ODF2: variants seen among roughly 807,000 people sequenced by gnomAD.
ODF2 encodes outer dense fiber of sperm tails 2.
ODF2 carries 47 observed loss-of-function variants against 110.2 expected under a neutral mutation model. The observed-to-expected ratio is 0.43, with a 90% CI of 0.34 to 0.54. The LOEUF (loss-of-function observed/expected upper bound fraction) is 0.54, where lower values mean the gene tolerates loss of function less well. Ranked by LOEUF, ODF2 falls within the 20% of genes least tolerant of loss-of-function variation. The pLI, the probability that ODF2 is intolerant of heterozygous loss-of-function variation, is 0.03. For synonymous variants in ODF2, 352 were observed against 397.7 expected (o/e 0.89, Z 1.37); for missense variants, 812 against 1,054.5 (o/e 0.77, Z 3.19).
Position 128,479,869 on chromosome 9 carries a change from G to T in ODF2, c.844-1711G>T, listed in dbSNP as rs370884425. On this transcript the variant is annotated intron_variant, in intron 8 of 20. Coordinates refer to ENST00000604420, the Ensembl canonical transcript of ODF2. ...GGGAATGGCTGCTTAATGGTACAGG[G>T]TTTCTTTTTTGGGTGATGAAAATGT... 6.6e-5 allele frequency among the ~76,000 whole-genome samples: 10 copies of T among 152,296 alleles called. No homozygotes were observed. The East Asian group carries it at 1.2e-3, about 18-fold the overall frequency.
chr9:128,477,045 AC>A (rs1290056547), intron 8 of ODF2, among the ~76,000 whole-genome samples: 1 of 151,454 alleles, frequency 6.6e-6, no homozygotes, highest in African/African-American at 2.4e-5. Context: ...GGAGTTCGAG[AC>A]CAGCCTGGCC....
chr9:128,469,385 ACCCTGAGGAT>A, intron 5 of ODF2, 32 bp downstream of exon 5: 1 of 1,610,274 alleles, frequency 6.2e-7, no homozygotes, highest in Non-Finnish European at 8.5e-7. Context: ...GATAGCTACT[ACCCTGAGGAT>A]GTGCAGGAGC....
At chr9:128,460,723 G>T (rs916718089) in intron 3 of ODF2, 57 bp downstream of exon 3, 15 of 1,602,550 alleles carry the variant, frequency 9.4e-6, no homozygotes, top group Non-Finnish European at 1.1e-5. Context: ...ATCCTGCTAA[G>T]CCCAGCCTCC....
chr9:128,476,122 A>G (rs968998307), intron 8 of ODF2, among the ~76,000 whole-genome samples: 10 of 151,952 alleles, frequency 6.6e-5, no homozygotes, highest in African/African-American at 2.4e-4. Flanking sequence ...TCATCTGTTG[A>G]TGGACACTTA....
intron 20 of ODF2, 28 bp downstream of exon 20, chr9:128,499,154 G>T (rs1396033045): frequency 6.2e-7 from 1 of 1,613,656 alleles, no homozygotes; most frequent in East Asian, 2.2e-5. Context: ...GCCGGGCTAG[G>T]AGAGTGGGCA....
rs1564460321 is a variant in ODF2 at position 128,462,685 on chromosome 9, C to T, written c.249+1618C>T. ...TGCAATCTCGGCCCACTGCAAGCTC[C>T]GCCTCCCGGGTTCACACCATTCTTC... On this transcript the variant is annotated intron_variant, in intron 4 of 20. Transcript: ENST00000604420. Among the ~76,000 whole-genome samples the T allele has an allele frequency of 2.0e-5, 3 of 151,894 alleles. No homozygotes were observed. The South Asian group carries it at 6.2e-4, about 32-fold the overall frequency.
At chr9:128,500,184 G>A (rs752933094) in exon 21 of ODF2, 4 of 1,614,084 alleles carry the variant, frequency 2.5e-6, no homozygotes, top group Non-Finnish European at 2.5e-6. Context: ...ATACGCCAAC[G>A]TGTTTGGGGA....
chr9:128,469,025 A>G (rs1839037127), intron 4 of ODF2, 158 bp from the exon 5 acceptor site: 3 of 609,644 alleles, frequency 4.9e-6, no homozygotes, highest in South Asian at 4.5e-5. Context: ...TGGATAGGTA[A>G]TGTTCCATCA....
In ODF2 at chr9:128,483,131, T is replaced by C. The variant is rs552779018; in HGVS notation, c.987+244T>C. Among the ~76,000 whole-genome samples, 38 of 152,214 alleles carry C rather than the reference T, an allele frequency of 2.5e-4. No individual in the cohort carries two copies. In the East Asian group the frequency reaches 3.9e-3, roughly 15 times the overall value. On this transcript the variant is annotated intron_variant, in intron 10 of 20. Transcript: ENST00000604420. ...GGATGGTCTTGATCTCTTGACCTCG[T>C]GATCTGCCTGCCTCGGCCTCCCAAA... is the stretch of plus-strand genomic sequence containing the variant.
chr9:128,456,100 G>A (rs1254960303), upstream of ODF2: 2 of 1,544,394 alleles, frequency 1.3e-6, no homozygotes, highest in Non-Finnish European at 1.7e-6. Context: ...CAATGGGCGA[G>A]CTGCCGACCG....
rs377518616 is a variant in ODF2 at position 128,483,918 on chromosome 9, C to T, written c.988-20C>T. On this transcript the variant is annotated intron_variant, in intron 10 of 20. Coordinates refer to ENST00000604420, the Ensembl canonical transcript of ODF2. ...CAAACAAAAAATTGTGCCTCCATCACTTTTTCCGTCTCTCCACAGGCTCAA... is the reference window on the plus strand; with the variant it reads ...CAAACAAAAAATTGTGCCTCCATCATTTTTTCCGTCTCTCCACAGGCTCAA... 8 of 1,574,178 alleles carry T rather than the reference C, an allele frequency of 5.1e-6. No homozygotes were observed. In the African/African-American group the frequency reaches 9.4e-5, roughly 19 times the overall value.
intron 8 of ODF2, among the ~76,000 whole-genome samples, 167 bp from the exon 9 acceptor site, chr9:128,481,413 G>A (rs1259399500): frequency 2.6e-5 from 4 of 151,792 alleles, no homozygotes; most frequent in African/African-American, 9.7e-5. Flanking sequence ...GAAGGACCAG[G>A]CTGCAGTGAG....
exon 14 of ODF2, chr9:128,487,998 A>G (rs374677438): frequency 3.1e-6 from 5 of 1,613,896 alleles, no homozygotes; most frequent in East Asian, 2.2e-5. Context: ...AGTATTCCGC[A>G]TTCAAGCTGG....
exon 11 of ODF2, chr9:128,483,968 A>C (rs1842909935): frequency 6.2e-7 from 1 of 1,613,838 alleles, no homozygotes; most frequent in Non-Finnish European, 8.5e-7. Context: ...TGAGCTTTCT[A>C]AATCCATGGA....
chr9:128,457,506 C>T, intron 2 of ODF2: 1 of 1,502,702 alleles, frequency 6.7e-7, no homozygotes, highest in Non-Finnish European at 8.9e-7. Flanking sequence ...CCAGGGCAGG[C>T]TCGCCTGAGG....
intron 15 of ODF2, 36 bp from the exon 16 acceptor site, chr9:128,492,665 C>G: frequency 6.3e-7 from 1 of 1,595,942 alleles, no homozygotes; most frequent in South Asian, 1.1e-5. Context: ...AAACGTGGCT[C>G]TACCTAAGAT....
intron 20 of ODF2, 76 bp downstream of exon 20, chr9:128,499,202 T>A: frequency 6.4e-7 from 1 of 1,569,214 alleles, no homozygotes. Flanking sequence ...GGCCAAGGTG[T>A]TTTGTTGTTA....
intron 10 of ODF2, 44 bp from the exon 11 acceptor site, chr9:128,483,894 A>T (rs1842895325): frequency 7.1e-7 from 1 of 1,407,348 alleles, no homozygotes; most frequent in Non-Finnish European, 1.0e-6. Flanking sequence ...TGAAAAAAAC[A>T]AACAAAAAAT....
upstream of ODF2, chr9:128,455,323 G>T: frequency 2.7e-6 from 3 of 1,130,506 alleles, no homozygotes; most frequent in Non-Finnish European, 1.3e-6. Flanking sequence ...AGGCCGAGGC[G>T]GGTGGATCAT....
Sources: gnomAD v4.1 joint callset for allele counts (sites outside exome capture counted in the v4.1 genomes callset) on GRCh38, gnomAD v4.1.1 for gene constraint, MANE v1.5 for transcripts, NCBI Gene and HGNC (gene_info 2026-07-23, HGNC 2026-07-21) for gene names.